Variants in GPR158 observed in about 807,000 individuals in gnomAD.
GPR158 encodes metabotropic glycine receptor.
In GPR158, 30 loss-of-function variants were observed where a neutral mutation model predicts 78.2. The ratio of observed to expected loss-of-function variants is 0.38; its 90% CI spans 0.29 to 0.52. GPR158 has a LOEUF of 0.52. Among genes scored for constraint, GPR158 ranks in the 20% least tolerant of loss-of-function variants. The probability of loss-of-function intolerance (pLI) is 0.83; values close to 1 mark genes in which losing one functional copy is unlikely to be tolerated. For missense variants in GPR158, 1,463 were observed against 1,523.5 expected (o/e 0.96, Z 0.66); for synonymous variants, 581 against 591.1 (o/e 0.98, Z 0.25).
At chr10:25,214,139 C>T (rs1257301498) in intron 1 of GPR158, among the ~76,000 whole-genome samples, 3 of 151,904 alleles carry the variant, frequency 2.0e-5, no homozygotes, top group Non-Finnish European at 4.4e-5. Flanking sequence ...GGACTACAGG[C>T]GCCCGACACC....
intron 5 of GPR158, among the ~76,000 whole-genome samples, chr10:25,515,633 T>C (rs1177018675): frequency 6.8e-6 from 1 of 146,670 alleles, no homozygotes; most frequent in Non-Finnish European, 1.5e-5. Context: ...GGTTTTTTGT[T>C]CTTGTGATAG....
At chr10:25,369,015 G>A (rs56771345) in intron 2 of GPR158, among the ~76,000 whole-genome samples, 21,013 of 150,218 alleles carry the variant, frequency 0.14, 1,809 homozygotes, top group African/African-American at 0.24. Context: ...TTCGTACATT[G>A]ATTTTGTATC....
intron 4 of GPR158, among the ~76,000 whole-genome samples, chr10:25,431,351 A>G (rs1159954117): frequency 6.7e-6 from 1 of 149,134 alleles, no homozygotes; most frequent in African/African-American, 2.5e-5. Context: ...TTAAAAAGTC[A>G]GGAAACAGCA....
chr10:25,455,577 A>G (rs754059166), intron 4 of GPR158, among the ~76,000 whole-genome samples: 2 of 152,182 alleles, frequency 1.3e-5, no homozygotes, highest in South Asian at 4.1e-4. Flanking sequence ...GATAAGAAAG[A>G]AGACTAATTA....
chr10:25,365,214 T>C (rs1049448584), intron 2 of GPR158, among the ~76,000 whole-genome samples: 1 of 151,770 alleles, frequency 6.6e-6, no homozygotes, highest in African/African-American at 2.4e-5. Flanking sequence ...AGCAATTACA[T>C]CAATTAAAAT....
In GPR158 at chr10:25,601,365, A is replaced by G. The variant is rs1449911288; in HGVS notation, c.*2091A>G. On this transcript the variant is annotated 3_prime_UTR_variant, in exon 11 of 11. Transcript: ENST00000376351. Reference sequence around the variant, plus strand: ...TATTTCTTTTATCTCTTCCTTTTCAATGAAGGCCTATATGCTTGGTGACCT... The same window carrying G: ...TATTTCTTTTATCTCTTCCTTTTCAGTGAAGGCCTATATGCTTGGTGACCT... The G allele has an allele frequency of 3.3e-5, 5 of 152,506 alleles. No individual in the cohort carries two copies. Among genetic ancestry groups the G allele is most frequent in the African/African-American group, 7.2e-5 (3 of 41,404 alleles). 9.4% of individuals were successfully genotyped at this position (152,506 alleles called of 1,614,324 possible).
intron 5 of GPR158, among the ~76,000 whole-genome samples, chr10:25,482,948 A>G (rs1280880938): frequency 2.6e-5 from 4 of 151,966 alleles, no homozygotes; most frequent in Admixed American, 2.6e-4. Context: ...CACATATCCA[A>G]CTCATCAAGA....
At chr10:25,495,289 TTTC>T (rs1835864907) in intron 5 of GPR158, among the ~76,000 whole-genome samples, 1 of 135,088 alleles carries the variant, frequency 7.4e-6, no homozygotes, top group Non-Finnish European at 1.6e-5. Flanking sequence ...CTATCATTCT[TTTC>T]TGCTTTTTTT....
In GPR158 at chr10:25,466,866, G is replaced by A. The variant is rs888171633; in HGVS notation, c.1404+147G>A. ...GTTTTGGCTCTTGTCTTACTTGAAAGAAAGACTTTGGCCAAGAGACAATTA... is the reference window on the plus strand; with the variant it reads ...GTTTTGGCTCTTGTCTTACTTGAAAAAAAGACTTTGGCCAAGAGACAATTA... On this transcript the variant is annotated intron_variant, in intron 5 of 10. Transcript: ENST00000376351. The A allele has an allele frequency of 1.0e-4, 48 of 463,348 alleles. 1 individual carries two copies. Among genetic ancestry groups the A allele is most frequent in the Non-Finnish European group, 1.8e-4 (46 of 262,390 alleles). The allele number at this position is 463,348 out of a possible 1,614,324, so 28.7% of individuals were successfully genotyped here.
chr10:25,344,383 AT>A (rs1271580531), intron 2 of GPR158, among the ~76,000 whole-genome samples: 1 of 151,880 alleles, frequency 6.6e-6, no homozygotes, highest in African/African-American at 2.4e-5. Flanking sequence ...TACCTCAGCC[AT>A]TTTTTGTGGT....
chr10:25,264,308 G>A (rs2130736419), intron 2 of GPR158, among the ~76,000 whole-genome samples: 1 of 152,280 alleles, frequency 6.6e-6, no homozygotes, highest in East Asian at 1.9e-4. Flanking sequence ...TTGCTCTTGG[G>A]GAAGCCAGTT....
intron 4 of GPR158, among the ~76,000 whole-genome samples, chr10:25,457,140 CTTTTTTTTTTTT>C (rs11384299): frequency 6.7e-5 from 4 of 59,402 alleles, no homozygotes; most frequent in African/African-American, 2.1e-4. Context: ...CCATGCCCAC[CTTTTTTTTTTTT>C]TTTTTTTTTT....
chr10:25,241,165 CTTTCTTTCTTTCTTTCT>C (rs1853604948), intron 2 of GPR158, among the ~76,000 whole-genome samples: 1 of 120,906 alleles, frequency 8.3e-6, no homozygotes, highest in Non-Finnish European at 1.7e-5. Flanking sequence ...TTCTTTCTTT[CTTTCTTTCTTTCTTTCT>C]TTCTTTCCTT....
chr10:25,400,808 G>A (rs949835809), intron 3 of GPR158, among the ~76,000 whole-genome samples: 2 of 152,086 alleles, frequency 1.3e-5, no homozygotes, highest in African/African-American at 4.8e-5. Flanking sequence ...ATTGACTTCA[G>A]CCTGTGTACA....
chr10:25,494,359 TTA>T (rs1835850698), intron 5 of GPR158, among the ~76,000 whole-genome samples: 1 of 151,818 alleles, frequency 6.6e-6, no homozygotes, highest in South Asian at 2.1e-4. Context: ...TAAAATTTTA[TTA>T]TGTTTTATTA....
intron 2 of GPR158, among the ~76,000 whole-genome samples, chr10:25,364,630 T>A (rs903842395): frequency 2.0e-5 from 3 of 151,906 alleles, no homozygotes; most frequent in Admixed American, 1.3e-4. Context: ...TTTAAGAGTT[T>A]CTCAGTGTTC....
intron 5 of GPR158, among the ~76,000 whole-genome samples, chr10:25,536,167 A>G (rs1304221901): frequency 6.6e-6 from 1 of 152,196 alleles, no homozygotes; most frequent in East Asian, 1.9e-4. Flanking sequence ...ATATATTTGT[A>G]TTATTTTACA....
chr10:25,525,698 C>T (rs1457449828), intron 5 of GPR158, among the ~76,000 whole-genome samples: 1 of 152,102 alleles, frequency 6.6e-6, no homozygotes, highest in East Asian at 1.9e-4. Context: ...TTATGGGGTT[C>T]ATTTTTGAGG....
At chr10:25,431,018 TAATTA>T in intron 4 of GPR158, among the ~76,000 whole-genome samples, 1 of 146,170 alleles carries the variant, frequency 6.8e-6, no homozygotes, top group East Asian at 2.0e-4. Context: ...AAATGGGATC[TAATTA>T]AATTAAAGAG....
Sources: gnomAD v4.1 joint callset for allele counts (sites outside exome capture counted in the v4.1 genomes callset) on GRCh38, gnomAD v4.1.1 for gene constraint, MANE v1.5 for transcripts, NCBI Gene and HGNC (gene_info 2026-07-23, HGNC 2026-07-21) for gene names.